Variants in ACSS2 observed in about 807,000 individuals in gnomAD.
ACSS2 encodes the protein acyl-CoA synthetase short chain family member 2.
In ACSS2, 58 loss-of-function variants were observed where a neutral mutation model predicts 90.6. That is an observed-to-expected ratio of 0.64 (90% CI 0.52 to 0.80). ACSS2 has a LOEUF of 0.80. Ranked by LOEUF, ACSS2 falls within the 30% of genes least tolerant of loss-of-function variation. The pLI, the probability that ACSS2 is intolerant of heterozygous loss-of-function variation, is 0.00. For missense variants in ACSS2, 759 were observed against 912.0 expected, an observed-to-expected ratio of 0.83 and a Z score of 2.16; for synonymous variants, 300 against 330.9, an observed-to-expected ratio of 0.91 and a Z score of 1.01.
chr20:34,899,821 A>G (rs1168377087), intron 2 of ACSS2, among the ~76,000 whole-genome samples: 1 of 152,026 alleles, frequency 6.6e-6, no homozygotes, highest in Non-Finnish European at 1.5e-5. Flanking sequence ...CAATTGGTGG[A>G]CATTTGGGTT....
chr20:34,912,948 A>T (rs557604827), intron 2 of ACSS2, 148 bp from the exon 3 acceptor site: 2 of 701,202 alleles, frequency 2.9e-6, no homozygotes, highest in African/African-American at 3.5e-5. Flanking sequence ...AAGATTGGTG[A>T]TGGCAAGATT....
rs558253331 is a variant in ACSS2 at position 34,914,350 on chromosome 20, G to A, written c.747G>A (p.Val249=). 2 of 1,613,786 alleles carry A rather than the reference G, an allele frequency of 1.2e-6. No individual in the cohort carries two copies. The highest frequency in any genetic ancestry group is 1.7e-5 in the Admixed American group (1 of 59,960). ...GTTTCCCAGTAAGATGCTGCATTGT[G>A]GTCAAGCACCTGGGGCGGGCAGAGC... ...EKGFPVRCCI[V]VKHLGRAELG... The change falls in exon 7 of 18, where the codon GTG becomes GTA. Residue 249 remains valine (V), a synonymous_variant. Coordinates refer to ENST00000360596, the MANE Select transcript of ACSS2 (RefSeq NM_018677.4).
intron 2 of ACSS2, among the ~76,000 whole-genome samples, chr20:34,904,781 G>A (rs1377029757): frequency 6.6e-6 from 1 of 151,998 alleles, no homozygotes. Context: ...ACCATGGGTT[G>A]TCACACCAAC....
intron 7 of ACSS2, among the ~76,000 whole-genome samples, chr20:34,915,411 G>A (rs1427637234): frequency 6.6e-6 from 1 of 152,166 alleles, no homozygotes; most frequent in East Asian, 1.9e-4. Flanking sequence ...ACTGAAGGGT[G>A]GTGAAATTAA....
intron 2 of ACSS2, among the ~76,000 whole-genome samples, chr20:34,901,751 T>C (rs772697414): frequency 1.1e-4 from 16 of 152,120 alleles, no homozygotes; most frequent in Non-Finnish European, 2.2e-4. Context: ...GCAATGAAAA[T>C]TTCAAGGCCC....
chr20:34,921,724 T>C, intron 12 of ACSS2, 62 bp from the exon 13 acceptor site: 3 of 1,608,966 alleles, frequency 1.9e-6, no homozygotes, highest in Middle Eastern at 1.7e-4. Context: ...TGGGGCCCCT[T>C]GGGAGTTGAG....
At chr20:34,909,194 CAAAAAAAAAAAAA>C (rs759144830) in intron 2 of ACSS2, among the ~76,000 whole-genome samples, 1 of 45,104 alleles carries the variant, frequency 2.2e-5, no homozygotes, top group Non-Finnish European at 4.5e-5. Flanking sequence ...CCTGTCTTTG[CAAAAAAAAAAAAA>C]AAAAAAAAAA....
chr20:34,888,468 A>C (rs906136796), intron 2 of ACSS2, among the ~76,000 whole-genome samples: 5 of 152,234 alleles, frequency 3.3e-5, no homozygotes, highest in Admixed American at 2.6e-4. Flanking sequence ...AAGCATGTTT[A>C]GAGTAAAAGG....
intron 2 of ACSS2, among the ~76,000 whole-genome samples, chr20:34,900,946 A>C (rs898872020): frequency 1.3e-5 from 2 of 152,218 alleles, no homozygotes; most frequent in African/African-American, 4.8e-5. Context: ...AAGGCCCTGA[A>C]CTAGACATTT....
chr20:34,903,469 C>T lies in ACSS2; in HGVS notation c.375-9627C>T, dbSNP rs151253179. Among the ~76,000 whole-genome samples, 355 of 152,128 alleles carry T rather than the reference C, an allele frequency of 2.3e-3. 2 individuals are homozygous for T. The highest frequency in any genetic ancestry group is 3.0e-3 in the Non-Finnish European group (206 of 67,996). On this transcript the variant is annotated intron_variant, in intron 2 of 17. Coordinates refer to ENST00000360596, the MANE Select transcript of ACSS2 (RefSeq NM_018677.4). ...AGGCAAGAGATGAAGGTAGCTTGAC[C>T]GGGGTGGAGACAATGAAGATACAGA... is the stretch of plus-strand genomic sequence containing the variant.
intron 14 of ACSS2, among the ~76,000 whole-genome samples, chr20:34,925,466 C>T (rs557190693): frequency 7.2e-5 from 11 of 152,130 alleles, no homozygotes; most frequent in African/African-American, 2.7e-4. Flanking sequence ...TCTGCCAAAT[C>T]CTATGATGAC....
upstream of ACSS2, chr20:34,876,590 A>G (rs2079913718): frequency 7.8e-7 from 1 of 1,283,372 alleles, no homozygotes; most frequent in Non-Finnish European, 9.9e-7. Flanking sequence ...CTGTTTTCTC[A>G]GTCCCGGCAC....
intron 2 of ACSS2, among the ~76,000 whole-genome samples, chr20:34,907,070 A>G (rs1438240216): frequency 6.6e-6 from 1 of 151,830 alleles, no homozygotes; most frequent in African/African-American, 2.4e-5. Flanking sequence ...TAATTAACAT[A>G]CATGAGATAA....
intron 2 of ACSS2, among the ~76,000 whole-genome samples, chr20:34,907,813 C>T (rs1471395668): frequency 1.3e-5 from 2 of 152,202 alleles, no homozygotes; most frequent in Non-Finnish European, 2.9e-5. Flanking sequence ...CTGTTCTTTC[C>T]CACTTTAGTA....
chr20:34,927,404 C>G lies in ACSS2; in HGVS notation c.*190C>G. The stretch of plus-strand genomic sequence containing the variant: ...TGACTGCCAGGCAGAAAGGACAGGG[C>G]CCAGGTCAGCCTCAGTCTGCTGTGC... On this transcript the variant is annotated 3_prime_UTR_variant, in exon 18 of 18. Transcript: ENST00000360596. The surrounding 1 kb of genome is among the most constrained non-coding windows in gnomAD (Gnocchi z 4.2). 1.4e-6 allele frequency: 1 copy of G among 731,896 alleles called. No homozygotes were observed. Among genetic ancestry groups the G allele is most frequent in the Non-Finnish European group, 2.2e-6 (1 of 449,476 alleles). The allele number at this position is 731,896 out of a possible 1,614,324, so 45.3% of individuals were successfully genotyped here. A position where few individuals can be genotyped will look rare whatever the true frequency, so the allele number is the denominator to read the frequency against.
chr20:34,910,628 C>A (rs1601347169), intron 2 of ACSS2, among the ~76,000 whole-genome samples: 2 of 152,158 alleles, frequency 1.3e-5, no homozygotes, highest in South Asian at 4.1e-4. Flanking sequence ...GTACTCCAGC[C>A]TATCAATAGA....
intron 7 of ACSS2, among the ~76,000 whole-genome samples, chr20:34,918,542 A>C (rs566727212): frequency 6.6e-6 from 1 of 152,328 alleles, no homozygotes; most frequent in East Asian, 1.9e-4. Context: ...GTCCTTCTTC[A>C]CCAACTTGAA....
At chr20:34,883,103 T>C in intron 2 of ACSS2, 114 bp downstream of exon 2, 1 of 722,900 alleles carries the variant, frequency 1.4e-6, no homozygotes. Context: ...TGAGGAAAAA[T>C]ACCTCAAGGA....
chr20:34,907,701 C>T (rs1197749367), intron 2 of ACSS2, among the ~76,000 whole-genome samples: 7 of 152,192 alleles, frequency 4.6e-5, no homozygotes, highest in Admixed American at 1.3e-4. Context: ...CAGCCATAAC[C>T]GGAGACGTTC....
Sources: gnomAD v4.1 joint callset for allele counts (sites outside exome capture counted in the v4.1 genomes callset) on GRCh38, gnomAD v4.1.1 for gene constraint, Gnocchi (gnomAD v3.1) non-coding constraint, MANE v1.5 for transcripts, NCBI Gene and HGNC (gene_info 2026-07-23, HGNC 2026-07-21) for gene names.